The following DLG2 variants were observed in gnomAD, a reference collection of about 807,000 sequenced individuals.
The protein encoded by DLG2 is discs large MAGUK scaffold protein 2.
Under a neutral mutation model 132.5 loss-of-function variants are expected in DLG2, and 45 were observed. The observed-to-expected ratio is 0.34, with a 90% confidence interval of 0.27 to 0.44. DLG2 has a LOEUF of 0.44. Among genes scored for constraint, DLG2 ranks in the 20% least tolerant of loss-of-function variants. The probability of loss-of-function intolerance (pLI) is 1.00; values close to 1 mark genes in which losing one functional copy is unlikely to be tolerated. For missense variants in DLG2, 1,045 were observed against 1,196.9 expected, an observed-to-expected ratio of 0.87 and a Z score of 1.87; for synonymous variants, 424 against 419.6, an observed-to-expected ratio of 1.01 and a Z score of -0.13.
intron 3 of DLG2, among the ~76,000 whole-genome samples, chr11:85,318,422 G>C (rs11822362): frequency 0.11 from 17,309 of 151,684 alleles, 1,174 homozygotes; most frequent in African/African-American, 0.19. Context: ...ATAAATAGTT[G>C]ACAACATTAA....
chr11:84,096,127 G>T (rs1162334104), intron 10 of DLG2, among the ~76,000 whole-genome samples: 1 of 152,134 alleles, frequency 6.6e-6, no homozygotes, highest in Non-Finnish European at 1.5e-5. Context: ...GCGACATTCA[G>T]AACTGGATTT....
chr11:84,960,499 A>ATG (rs2052394338), intron 6 of DLG2, among the ~76,000 whole-genome samples: 6 of 150,892 alleles, frequency 4.0e-5, no homozygotes, highest in African/African-American at 1.5e-4. Context: ...GCACTGGCGC[A>ATG]ATCTCGGCTC....
At chr11:84,163,107 C>T (rs561386181) in intron 9 of DLG2, among the ~76,000 whole-genome samples, 5 of 152,104 alleles carry the variant, frequency 3.3e-5, no homozygotes, top group East Asian at 3.9e-4. Flanking sequence ...ATGATAGTAT[C>T]GATATCACAC....
chr11:84,398,272 G>GT (rs1225343818), intron 7 of DLG2, among the ~76,000 whole-genome samples: 1 of 152,188 alleles, frequency 6.6e-6, no homozygotes, highest in Non-Finnish European at 1.5e-5. Flanking sequence ...TAAAAAGGGA[G>GT]TGTGTGGACA....
chr11:84,627,640 G>C (rs1178574153), intron 6 of DLG2, among the ~76,000 whole-genome samples: 1 of 152,152 alleles, frequency 6.6e-6, no homozygotes, highest in East Asian at 1.9e-4. Flanking sequence ...GGCTATTCTT[G>C]CATTGCCATA....
chr11:84,415,592 T>C (rs1228724679), intron 7 of DLG2, among the ~76,000 whole-genome samples: 2 of 152,204 alleles, frequency 1.3e-5, no homozygotes, highest in Non-Finnish European at 2.9e-5. Flanking sequence ...GTCATAATTC[T>C]AAGAATTAGG....
intron 3 of DLG2, among the ~76,000 whole-genome samples, chr11:85,503,612 G>A (rs1373240988): frequency 6.6e-6 from 1 of 152,084 alleles, no homozygotes; most frequent in Non-Finnish European, 1.5e-5. Flanking sequence ...GGGTTATCAT[G>A]GGAGTGGAAC....
intron 6 of DLG2, among the ~76,000 whole-genome samples, chr11:84,613,331 G>A (rs1335183887): frequency 6.6e-6 from 1 of 151,990 alleles, no homozygotes; most frequent in East Asian, 1.9e-4. Context: ...AGTCATCAAG[G>A]AGACACTCCA....
At chr11:84,271,658 T>C (rs1490834533) in intron 7 of DLG2, among the ~76,000 whole-genome samples, 4 of 152,150 alleles carry the variant, frequency 2.6e-5, no homozygotes, top group Non-Finnish European at 1.5e-5. Context: ...TGCTAGACAC[T>C]GGGAATAGAT....
intron 3 of DLG2, among the ~76,000 whole-genome samples, chr11:85,592,441 G>C (rs1295522955): frequency 6.6e-6 from 1 of 152,140 alleles, no homozygotes; most frequent in Non-Finnish European, 1.5e-5. Context: ...CACATGCTTT[G>C]AGATTGTGAG....
intron 6 of DLG2, among the ~76,000 whole-genome samples, chr11:84,749,425 T>A (rs2065817027): frequency 6.6e-6 from 1 of 152,176 alleles, no homozygotes. Context: ...AGTGGTCTCA[T>A]AAGATTATAA....
intron 15 of DLG2, among the ~76,000 whole-genome samples, chr11:83,878,568 A>G (rs1173670432): frequency 6.6e-6 from 1 of 152,230 alleles, no homozygotes. Flanking sequence ...TGGTATAAAT[A>G]CCACCCATTA....
chr11:85,331,268 G>A (rs912735422), intron 3 of DLG2, among the ~76,000 whole-genome samples: 10 of 152,108 alleles, frequency 6.6e-5, no homozygotes, highest in African/African-American at 2.2e-4. Context: ...GTAAATAGAC[G>A]CCCTATAAAA....
intron 15 of DLG2, among the ~76,000 whole-genome samples, chr11:83,910,190 C>T (rs976877382): frequency 1.4e-4 from 22 of 152,090 alleles, no homozygotes; most frequent in Admixed American, 2.6e-4. Flanking sequence ...AGCTGCTGAG[C>T]TCTGTAATAG....
chr11:83,982,933 T>C (rs530534571), intron 11 of DLG2, among the ~76,000 whole-genome samples: 2 of 152,288 alleles, frequency 1.3e-5, no homozygotes, highest in Admixed American at 6.5e-5. Flanking sequence ...TAACATGGTA[T>C]ACAGGTTTGT....
chr11:83,635,311 T>A (rs2064509381), intron 18 of DLG2, among the ~76,000 whole-genome samples: 1 of 152,222 alleles, frequency 6.6e-6, no homozygotes, highest in African/African-American at 2.4e-5. Flanking sequence ...CAAGTCGTAT[T>A]TTCTTGCCAC....
At chr11:83,975,283 C>T (rs879512945) in intron 12 of DLG2, among the ~76,000 whole-genome samples, 2 of 152,032 alleles carry the variant, frequency 1.3e-5, no homozygotes, top group Middle Eastern at 3.2e-3. Flanking sequence ...GAATCTATTT[C>T]ATCTGAGACT....
chr11:84,230,360 T>C (rs1320159311), intron 8 of DLG2, among the ~76,000 whole-genome samples: 1 of 152,174 alleles, frequency 6.6e-6, no homozygotes, highest in Non-Finnish European at 1.5e-5. Flanking sequence ...TTAAACTCCA[T>C]GAGGGAGGGG....
intron 18 of DLG2, among the ~76,000 whole-genome samples, chr11:83,767,977 T>C (rs2094213608): frequency 6.6e-6 from 1 of 152,186 alleles, no homozygotes; most frequent in Non-Finnish European, 1.5e-5. Flanking sequence ...TCCTCAAACA[T>C]CTTTGCCTCT....
Sources: gnomAD v4.1 joint callset for allele counts (sites outside exome capture counted in the v4.1 genomes callset) on GRCh38, gnomAD v4.1.1 for gene constraint, MANE v1.5 for transcripts, NCBI Gene and HGNC (gene_info 2026-07-23, HGNC 2026-07-21) for gene names.